ARID1B: variants seen among roughly 807,000 people sequenced by gnomAD.
ARID1B encodes AT-rich interactive domain-containing protein 1B.
A neutral mutation model predicts 212.3 loss-of-function variants in ARID1B; 30 were observed. The ratio of observed to expected loss-of-function variants is 0.14; its 90% CI spans 0.11 to 0.19. ARID1B has a LOEUF of 0.19. Ranked by LOEUF, ARID1B falls within the 10% of genes least tolerant of loss-of-function variation. The probability of loss-of-function intolerance (pLI) is 1.00; values close to 1 mark genes in which losing one functional copy is unlikely to be tolerated. For missense variants in ARID1B, 2,891 were observed against 3,204.0 expected (o/e 0.90, Z 2.36); for synonymous variants, 1,402 against 1,301.7 (o/e 1.08, Z -1.66).
intron 2 of ARID1B, among the ~76,000 whole-genome samples, chr6:156,890,713 T>C (rs1280108307): frequency 1.3e-5 from 2 of 152,244 alleles, no homozygotes; most frequent in African/African-American, 4.8e-5. Flanking sequence ...CTTTGCCAAC[T>C]TCTTTCTCAT....
rs545661573 is a variant in ARID1B, at chr6:156,909,228, C to T, written c.2136+7703C>T. 2.7e-5 allele frequency among the ~76,000 whole-genome samples: 4 copies of T among 146,930 alleles called. No individual in the cohort carries two copies. The Admixed American group carries it at 2.8e-4, about 10-fold the overall frequency. ...GCGGCATCTGCCTCCTGAATTCAAG[C>T]AATTCTCCTGCCTCAGCCCTGTGAG... On this transcript the variant is annotated intron_variant, in intron 3 of 19. Coordinates refer to ENST00000636930, the MANE Select transcript of ARID1B (RefSeq NM_001374828.1).
At chr6:156,869,462 T>A (rs1344888853) in intron 2 of ARID1B, among the ~76,000 whole-genome samples, 1 of 152,240 alleles carries the variant, frequency 6.6e-6, no homozygotes, top group African/African-American at 2.4e-5. Context: ...ATCTGCCTCA[T>A]AAATATTAGC....
chr6:156,915,131 G>T (rs1298279013), intron 3 of ARID1B, among the ~76,000 whole-genome samples: 2 of 152,160 alleles, frequency 1.3e-5, no homozygotes, highest in Non-Finnish European at 2.9e-5. Flanking sequence ...TTACTGCTGG[G>T]TATTTAAATT....
intron 1 of ARID1B, among the ~76,000 whole-genome samples, chr6:156,782,999 CACTCTTTAAGACA>C (rs1779382664): frequency 6.6e-6 from 1 of 151,366 alleles, no homozygotes; most frequent in Non-Finnish European, 1.5e-5. Flanking sequence ...TAGTGGTAGC[CACTCTTTAAGACA>C]GCTATCACTT....
intron 3 of ARID1B, among the ~76,000 whole-genome samples, chr6:156,933,880 A>G (rs1791951490): frequency 6.6e-6 from 1 of 152,330 alleles, no homozygotes; most frequent in Middle Eastern, 3.4e-3. Context: ...AGCAGGTCGC[A>G]CCAACACTAG....
intron 5 of ARID1B, 22 bp downstream of exon 5, chr6:157,084,927 A>G: frequency 6.3e-7 from 1 of 1,584,770 alleles, no homozygotes; most frequent in Non-Finnish European, 8.6e-7. Flanking sequence ...CCTGACAATT[A>G]TTATTTTACT....
At chr6:156,890,172 T>C (rs1335604224) in intron 2 of ARID1B, among the ~76,000 whole-genome samples, 1 of 152,214 alleles carries the variant, frequency 6.6e-6, no homozygotes, top group Non-Finnish European at 1.5e-5. Flanking sequence ...CACAGCTATA[T>C]AGAATATTCA....
At chr6:157,065,040 T>C (rs905649910) in intron 4 of ARID1B, among the ~76,000 whole-genome samples, 3 of 152,262 alleles carry the variant, frequency 2.0e-5, no homozygotes, top group African/African-American at 7.2e-5. Context: ...CAAATAGTTA[T>C]TTTTATAGAT....
chr6:157,104,171 A>C (rs1786300048), intron 5 of ARID1B, among the ~76,000 whole-genome samples: 1 of 152,218 alleles, frequency 6.6e-6, no homozygotes, highest in Non-Finnish European at 1.5e-5. Flanking sequence ...ATAAACATAC[A>C]TCTGGTGGGG....
chr6:156,779,152 A>G lies in ARID1B; in HGVS notation c.1472A>G (p.Gln491Arg), dbSNP rs1448904580. Reference sequence around the variant, plus strand: ...GGGGGCTTCCAGCGCTTCGCCGGCCAGAACCAGCACCCGTCGGGGGCCACC... The same window carrying G: ...GGGGGCTTCCAGCGCTTCGCCGGCCGGAACCAGCACCCGTCGGGGGCCACC... Reference protein sequence around the residue: ...AAGGFQRFAGQNQHPSGATPT... With the variant: ...AAGGFQRFAGRNQHPSGATPT... Residue 491 changes from glutamine (Q) to arginine (R), a missense_variant, in exon 1 of 20, where the codon CAG becomes CGG. This residue lies in a region of ARID1B where 1,643 missense variants were observed against 1,544.0 expected (regional missense o/e 1.06). Transcript: ENST00000636930. 4 of 1,304,546 alleles carry G rather than the reference A, an allele frequency of 3.1e-6. No homozygotes were observed. Among genetic ancestry groups the G allele is most frequent in the African/African-American group, 3.1e-5 (2 of 63,694 alleles). The allele number at this position is 1,304,546 out of a possible 1,614,324, so 80.8% of individuals were successfully genotyped here. A position where few individuals can be genotyped will look rare whatever the true frequency, so the allele number is the denominator to read the frequency against.
intron 6 of ARID1B, among the ~76,000 whole-genome samples, chr6:157,124,421 T>G (rs548865441): frequency 1.8e-3 from 276 of 152,296 alleles, no homozygotes; most frequent in African/African-American, 6.4e-3. Flanking sequence ...CTAACATACG[T>G]GGTGCTTTTC....
At chr6:157,092,045 A>G (rs1020182932) in intron 5 of ARID1B, among the ~76,000 whole-genome samples, 4 of 152,250 alleles carry the variant, frequency 2.6e-5, no homozygotes, top group African/African-American at 9.6e-5. Flanking sequence ...GGAGGAAAAA[A>G]AAAATTAACA....
chr6:156,828,390 C>T (rs1262684540), intron 1 of ARID1B, among the ~76,000 whole-genome samples: 2 of 152,110 alleles, frequency 1.3e-5, no homozygotes, highest in African/African-American at 2.4e-5. Flanking sequence ...TTTGGAAGGA[C>T]AGAGGAGGGA....
At chr6:157,120,796 C>T (rs376954798) in intron 6 of ARID1B, among the ~76,000 whole-genome samples, 4 of 152,290 alleles carry the variant, frequency 2.6e-5, no homozygotes, top group South Asian at 2.1e-4. Flanking sequence ...GCTTGCTTTT[C>T]GGTGGCTTCT....
chr6:156,894,197 T>C (rs759662445), intron 2 of ARID1B, among the ~76,000 whole-genome samples: 2 of 144,592 alleles, frequency 1.4e-5, no homozygotes, highest in African/African-American at 5.2e-5. Flanking sequence ...ACAAATATTG[T>C]GTGATTCTGC....
chr6:157,121,394 A>G (rs77794332), intron 6 of ARID1B, among the ~76,000 whole-genome samples: 3,094 of 152,180 alleles, frequency 0.02, 106 homozygotes, highest in African/African-American at 0.071. Flanking sequence ...GTTTCATTCT[A>G]TTTTTGAAAA....
rs767620420 is a variant in ARID1B, at chr6:157,084,678, T to A, written c.2264T>A (p.Ile755Asn). 5.0e-6 allele frequency: 8 copies of A among 1,614,214 alleles called. No homozygotes were observed. The highest frequency in any genetic ancestry group is 6.8e-6 in the Non-Finnish European group (8 of 1,180,028). Residue 755 changes from isoleucine (I) to asparagine (N), a missense_variant, in exon 5 of 20, where the codon ATT (isoleucine) becomes AAT (asparagine). By Grantham distance (149) the Ile-to-Asn change is moderately radical. Coordinates refer to ENST00000636930, the MANE Select transcript of ARID1B (RefSeq NM_001374828.1). ...PSSLPDLSGS[I>N]DDLPTGTEAT... ...CTTTCTTAGGATCTGTCTGGCTCCA[T>A]TGATGACCTCCCCACGGGAACGGAA...
chr6:156,996,378 C>G (rs1778592771), intron 4 of ARID1B, among the ~76,000 whole-genome samples: 1 of 152,194 alleles, frequency 6.6e-6, no homozygotes. Flanking sequence ...GAAAGGGAAT[C>G]TTGTAAAGGC....
At chr6:156,781,975 CTTTTTT>C (rs57443841) in intron 1 of ARID1B, among the ~76,000 whole-genome samples, 6 of 39,224 alleles carry the variant, frequency 1.5e-4, no homozygotes, top group Non-Finnish European at 2.0e-4. Flanking sequence ...TGGGAATAGG[CTTTTTT>C]TTTTTTTTTT....
Sources: gnomAD v4.1 joint callset for allele counts (sites outside exome capture counted in the v4.1 genomes callset) on GRCh38, gnomAD v4.1.1 for gene constraint, gnomAD v4.1.1 regional missense constraint, MANE v1.5 for transcripts, NCBI Gene and HGNC (gene_info 2026-07-23, HGNC 2026-07-21) for gene names.